Variants in NEGR1 observed in about 807,000 individuals in gnomAD.
NEGR1 encodes IgLON family member 4.
NEGR1 carries 10 observed loss-of-function variants against 40.9 expected under a neutral mutation model. That is an observed-to-expected ratio of 0.24 (90% CI 0.15 to 0.42). The LOEUF is 0.42. Ranked by LOEUF, NEGR1 falls within the 10% of genes least tolerant of loss-of-function variation. NEGR1 has a pLI of 1.00. For synonymous variants in NEGR1, 185 were observed against 166.8 expected, an observed-to-expected ratio of 1.11 and a Z score of -0.84; for missense variants, 352 against 438.9, an observed-to-expected ratio of 0.80 and a Z score of 1.77.
At chr1:71,505,864 C>A (rs372392951) in intron 6 of NEGR1, among the ~76,000 whole-genome samples, 32 of 152,228 alleles carry the variant, frequency 2.1e-4, no homozygotes, top group African/African-American at 7.2e-4. Flanking sequence ...TAAATGATCT[C>A]CTAATTTCTA....
intron 4 of NEGR1, among the ~76,000 whole-genome samples, chr1:71,685,443 C>T (rs11209821): frequency 0.33 from 50,598 of 151,712 alleles, 9,868 homozygotes; most frequent in East Asian, 0.47. Context: ...CTGCCTTAGC[C>T]GTCCCAGTAG....
At chr1:72,135,289 A>C (rs1484257518) in intron 1 of NEGR1, among the ~76,000 whole-genome samples, 1 of 148,446 alleles carries the variant, frequency 6.7e-6, no homozygotes, top group African/African-American at 2.5e-5. Flanking sequence ...GGCAGGAGAA[A>C]GGTGTGAACC....
rs1365847832 is a variant in NEGR1 at position 71,597,470 on chromosome 1, C to CTG, written c.789-4503_789-4502insCA. On this transcript the variant is annotated intron_variant, in intron 5 of 6. Transcript: ENST00000357731. ...TCTCTCTCTCTCTCTCTCTCTCTCT[C>CTG]TCTGTGTGTGTGTGTGTGTGTGTGT... 5.9e-3 allele frequency among the ~76,000 whole-genome samples: 147 copies of CTG among 24,776 alleles called. 1 individual carries two copies. Among genetic ancestry groups the CTG allele is most frequent in the African/African-American group, 0.011 (146 of 13,454 alleles). The allele number at this position is 24,776 out of a possible 152,430, so 16.3% of individuals were successfully genotyped here. A position where few individuals can be genotyped will look rare whatever the true frequency, so the allele number is the denominator to read the frequency against.
intron 2 of NEGR1, among the ~76,000 whole-genome samples, chr1:71,787,425 C>T (rs80200147): frequency 0.023 from 3,448 of 152,174 alleles, 70 homozygotes; most frequent in Non-Finnish European, 0.035. Context: ...TGAGTCAGGA[C>T]AAAGTATACA....
chr1:71,706,877 G>T (rs546117569), intron 3 of NEGR1, among the ~76,000 whole-genome samples: 11 of 152,116 alleles, frequency 7.2e-5, no homozygotes, highest in African/African-American at 2.7e-4. Flanking sequence ...GTCTTGGTGA[G>T]CTTCTGAGAT....
intron 3 of NEGR1, among the ~76,000 whole-genome samples, chr1:71,741,338 T>G (rs1192007240): frequency 6.6e-6 from 1 of 152,208 alleles, no homozygotes; most frequent in Non-Finnish European, 1.5e-5. Context: ...TGACAATGAA[T>G]ATCACAACTG....
chr1:71,545,691 A>T (rs914571436), intron 6 of NEGR1, among the ~76,000 whole-genome samples: 15 of 151,554 alleles, frequency 9.9e-5, no homozygotes, highest in Admixed American at 9.2e-4. Context: ...GGATCTGATA[A>T]GCGACAAGGA....
chr1:71,826,519 C>G (rs1304977748), intron 2 of NEGR1, among the ~76,000 whole-genome samples: 1 of 151,774 alleles, frequency 6.6e-6, no homozygotes, highest in Non-Finnish European at 1.5e-5. Context: ...TTTACCTGAA[C>G]AATTTGCAAA....
chr1:71,895,321 A>C (rs1381601641), intron 2 of NEGR1, among the ~76,000 whole-genome samples: 1 of 152,110 alleles, frequency 6.6e-6, no homozygotes, highest in Non-Finnish European at 1.5e-5. Flanking sequence ...TTTTATTGAG[A>C]TATTATACAA....
intron 2 of NEGR1, among the ~76,000 whole-genome samples, chr1:71,909,268 T>A (rs902388809): frequency 6.6e-6 from 1 of 152,204 alleles, no homozygotes; most frequent in African/African-American, 2.4e-5. Context: ...TTGAAATGGC[T>A]GGTGGTTTTT....
At chr1:71,885,026 T>C (rs1660688012) in intron 2 of NEGR1, among the ~76,000 whole-genome samples, 1 of 152,216 alleles carries the variant, frequency 6.6e-6, no homozygotes, top group Non-Finnish European at 1.5e-5. Flanking sequence ...TTGACCAAAA[T>C]GGACTTAAAC....
At chr1:71,916,382 A>G (rs1661584675) in intron 2 of NEGR1, among the ~76,000 whole-genome samples, 1 of 152,216 alleles carries the variant, frequency 6.6e-6, no homozygotes. Flanking sequence ...AAAGTTCTAC[A>G]TAATATAAAG....
chr1:71,713,292 T>C (rs1311576501), intron 3 of NEGR1, among the ~76,000 whole-genome samples: 1 of 152,250 alleles, frequency 6.6e-6, no homozygotes, highest in Non-Finnish European at 1.5e-5. Flanking sequence ...TTGTGCATTT[T>C]AGCACTAGGA....
intron 1 of NEGR1, among the ~76,000 whole-genome samples, chr1:72,047,795 G>A (rs1647016062): frequency 6.6e-6 from 1 of 151,350 alleles, no homozygotes; most frequent in Non-Finnish European, 1.5e-5. Flanking sequence ...ATCCTAATAA[G>A]CATTTGGTTT....
chr1:72,123,413 A>G (rs1376842662), intron 1 of NEGR1, among the ~76,000 whole-genome samples: 3 of 151,902 alleles, frequency 2.0e-5, no homozygotes, highest in African/African-American at 7.2e-5. Context: ...AAAACCGTAT[A>G]ACTAAAATTG....
intron 6 of NEGR1, among the ~76,000 whole-genome samples, chr1:71,557,269 C>A (rs184792800): frequency 6.6e-6 from 1 of 151,546 alleles, no homozygotes; most frequent in Non-Finnish European, 1.5e-5. Context: ...GGCAGCAGAG[C>A]CTTGAATCCT....
chr1:71,509,612 C>A (rs1230629994), intron 6 of NEGR1, among the ~76,000 whole-genome samples: 2 of 152,148 alleles, frequency 1.3e-5, no homozygotes, highest in African/African-American at 4.8e-5. Flanking sequence ...CCATAAAATA[C>A]CCAAAAATAC....
chr1:72,230,086 A>G (rs1472629175), intron 1 of NEGR1, among the ~76,000 whole-genome samples: 1 of 152,060 alleles, frequency 6.6e-6, no homozygotes, highest in Non-Finnish European at 1.5e-5. Context: ...ACTGCTGGAA[A>G]TATCACATGA....
At position 71,578,545 on chromosome 1, in the gene NEGR1, T is replaced by C. The variant is rs965999064; in HGVS notation, c.940+14272A>G. Among the ~76,000 whole-genome samples, 5 of 152,120 alleles carry C rather than the reference T, an allele frequency of 3.3e-5. No homozygotes were observed. In the South Asian group the frequency reaches 8.3e-4, roughly 25 times the overall value. ...CAAGACAAGGTGTTATACATCTATATAGAAAAGTTCTTAATGGATTCACTC... is the reference window on the plus strand; with the variant it reads ...CAAGACAAGGTGTTATACATCTATACAGAAAAGTTCTTAATGGATTCACTC... On this transcript the variant is annotated intron_variant, in intron 6 of 6. Transcript: ENST00000357731.
Sources: gnomAD v4.1 joint callset for allele counts (sites outside exome capture counted in the v4.1 genomes callset) on GRCh38, gnomAD v4.1.1 for gene constraint, MANE v1.5 for transcripts, NCBI Gene and HGNC (gene_info 2026-07-23, HGNC 2026-07-21) for gene names.